SCP2: variants seen among roughly 807,000 people sequenced by gnomAD.
SCP2 encodes sterol carrier protein 2, also known as SCP-2/3-oxoacyl-CoA thiolase.
Under a neutral mutation model 71.4 loss-of-function variants are expected in SCP2, and 48 were observed. The ratio of observed to expected loss-of-function variants is 0.67; its 90% CI spans 0.53 to 0.86. The LOEUF (loss-of-function observed/expected upper bound fraction) is 0.86. SCP2 is among the 40% of genes least tolerant of loss of function. SCP2 has a pLI of 0.00. For synonymous variants in SCP2, 220 were observed against 218.1 expected (o/e 1.01, Z -0.08); for missense variants, 560 against 655.6 (o/e 0.85, Z 1.59).
chr1:52,960,524 G>GA (rs1656268220), intron 5 of SCP2, among the ~76,000 whole-genome samples: 1 of 139,352 alleles, frequency 7.2e-6, no homozygotes, highest in East Asian at 2.1e-4. Flanking sequence ...GTGTGTATAT[G>GA]TGTGTATATA....
Position 53,013,879 on chromosome 1 carries a change from ATTCT to A in SCP2, c.1082-1008_1082-1005del, listed in dbSNP as rs1661144445. Among the ~76,000 whole-genome samples, 7 of 101,960 alleles carry A rather than the reference ATTCT, an allele frequency of 6.9e-5. No homozygotes were observed. In the East Asian group the frequency reaches 1.7e-3, roughly 25 times the overall value. 66.9% of individuals were successfully genotyped at this position (101,960 alleles called of 152,430 possible). ...GCAGACCAGTCTGCCCTGATAGAAC[ATTCT>A]TTTTTTTTTTTTTTTTTTTTTTTTT... On this transcript the variant is annotated intron_variant, in intron 11 of 15. Coordinates refer to ENST00000371514, the MANE Select transcript of SCP2 (RefSeq NM_002979.5).
intron 11 of SCP2, among the ~76,000 whole-genome samples, chr1:53,009,850 A>G (rs901087207): frequency 6.6e-6 from 1 of 152,188 alleles, no homozygotes; most frequent in Admixed American, 6.5e-5. Context: ...AACCTACAGA[A>G]TGGGAGAAAA....
At chr1:52,995,747 G>A (rs1306677083) in intron 11 of SCP2, 1 of 774,838 alleles carries the variant, frequency 1.3e-6, no homozygotes, top group Non-Finnish European at 2.4e-6. Flanking sequence ...CAAGACAGCT[G>A]TCTGTGACAT....
intron 14 of SCP2, among the ~76,000 whole-genome samples, chr1:53,044,992 A>G (rs1475646351): frequency 6.6e-6 from 1 of 152,244 alleles, no homozygotes; most frequent in Non-Finnish European, 1.5e-5. Flanking sequence ...CCAAAATTCC[A>G]CTGTCCAGGT....
At position 53,031,366 on chromosome 1, in the gene SCP2, T is replaced by C. The variant is rs1287243795; in HGVS notation, c.1338+3295T>C. Among the ~76,000 whole-genome samples the C allele has an allele frequency of 2.6e-5, 4 of 152,236 alleles. No homozygotes were observed. The East Asian group carries it at 7.7e-4, about 29-fold the overall frequency. On this transcript the variant is annotated intron_variant, in intron 13 of 15. Coordinates refer to ENST00000371514, the MANE Select transcript of SCP2 (RefSeq NM_002979.5). Reference sequence around the variant, plus strand: ...CCTTGTTTCTTTCTCCTTCCCACGATTGTCAGTTTCCTAAGTGTTTGCAGC... The same window carrying C: ...CCTTGTTTCTTTCTCCTTCCCACGACTGTCAGTTTCCTAAGTGTTTGCAGC...
At chr1:52,963,015 GAA>G (rs1656615904) in intron 6 of SCP2, among the ~76,000 whole-genome samples, 1 of 146,170 alleles carries the variant, frequency 6.8e-6, no homozygotes, top group Non-Finnish European at 1.5e-5. Context: ...TGTTAACCTA[GAA>G]TAGTACCTGG....
chr1:52,941,284 T>C (rs1443378892), intron 1 of SCP2, among the ~76,000 whole-genome samples: 1 of 152,236 alleles, frequency 6.6e-6, no homozygotes, highest in Admixed American at 6.5e-5. Context: ...TGTCAAGACA[T>C]TCTGTACTTC....
chr1:52,971,209 C>T (rs543984832), intron 6 of SCP2, among the ~76,000 whole-genome samples: 1 of 152,174 alleles, frequency 6.6e-6, no homozygotes, highest in South Asian at 2.1e-4. Flanking sequence ...ATATCCCGAC[C>T]TCGTGATCCA....
chr1:53,017,814 G>T (rs1661437184), intron 12 of SCP2, among the ~76,000 whole-genome samples: 1 of 152,106 alleles, frequency 6.6e-6, no homozygotes, highest in African/African-American at 2.4e-5. Context: ...AAAATTGTTG[G>T]AGTAGTAGCA....
intron 12 of SCP2, among the ~76,000 whole-genome samples, chr1:53,021,466 A>G (rs1379448282): frequency 6.6e-6 from 1 of 150,684 alleles, no homozygotes; most frequent in African/African-American, 2.4e-5. Context: ...ACAGGCACGC[A>G]CCACCAGGCC....
At chr1:53,035,968 C>G (rs1027732095) in intron 13 of SCP2, among the ~76,000 whole-genome samples, 6 of 142,968 alleles carry the variant, frequency 4.2e-5, no homozygotes, top group Non-Finnish European at 9.0e-5. Context: ...TGCAGTGAGC[C>G]GAGATCAGGC....
chr1:53,042,082 T>C (rs1663476094), intron 14 of SCP2, among the ~76,000 whole-genome samples: 1 of 152,012 alleles, frequency 6.6e-6, no homozygotes, highest in Non-Finnish European at 1.5e-5. Flanking sequence ...CAGCATGGCT[T>C]TGTTGTGGAA....
intron 1 of SCP2, among the ~76,000 whole-genome samples, chr1:52,941,591 T>C (rs538957138): frequency 3.7e-4 from 56 of 152,012 alleles, no homozygotes; most frequent in African/African-American, 1.3e-3. Context: ...AAAAATTAGC[T>C]GGGCATGGTG....
chr1:52,961,820 T>TA (rs145859906), intron 6 of SCP2, among the ~76,000 whole-genome samples, 191 bp downstream of exon 6: 2,971 of 152,258 alleles, frequency 0.02, 105 homozygotes, highest in African/African-American at 0.067. Context: ...TAGACTATGG[T>TA]ATGGGAAGTA....
At chr1:52,942,226 G>A (rs1021550801) in intron 2 of SCP2, among the ~76,000 whole-genome samples, 3 of 152,142 alleles carry the variant, frequency 2.0e-5, no homozygotes, top group Non-Finnish European at 4.4e-5. Context: ...CATTCCAAAT[G>A]TATTAAATAC....
intron 10 of SCP2, among the ~76,000 whole-genome samples, chr1:52,986,343 A>G (rs1334428815): frequency 6.6e-6 from 1 of 152,232 alleles, no homozygotes; most frequent in African/African-American, 2.4e-5. Flanking sequence ...CTACAGAAAC[A>G]ATATTTAGCA....
chr1:53,030,199 T>A (rs1335572835), intron 13 of SCP2, among the ~76,000 whole-genome samples: 2 of 152,210 alleles, frequency 1.3e-5, no homozygotes, highest in South Asian at 2.1e-4. Context: ...TTTACCCTCA[T>A]TTTTAATACA....
At chr1:52,943,056 A>G (rs1164620037) in intron 2 of SCP2, among the ~76,000 whole-genome samples, 1 of 152,050 alleles carries the variant, frequency 6.6e-6, no homozygotes, top group Non-Finnish European at 1.5e-5. Flanking sequence ...CACGCATGAA[A>G]ATGGAAAAAC....
At chr1:52,961,140 C>T (rs905035801) in intron 5 of SCP2, among the ~76,000 whole-genome samples, 2 of 141,984 alleles carry the variant, frequency 1.4e-5, no homozygotes, top group Non-Finnish European at 3.0e-5. Context: ...AGGTTTGTTA[C>T]ATACGTATGC....
Sources: gnomAD v4.1 joint callset for allele counts (sites outside exome capture counted in the v4.1 genomes callset) on GRCh38, gnomAD v4.1.1 for gene constraint, MANE v1.5 for transcripts, NCBI Gene and HGNC (gene_info 2026-07-23, HGNC 2026-07-21) for gene names.